DLGAP2: variants seen among roughly 807,000 people sequenced by gnomAD.
DLGAP2 encodes the protein disks large-associated protein 2.
DLGAP2 carries 26 observed loss-of-function variants against 100.3 expected under a neutral mutation model. The ratio of observed to expected loss-of-function variants is 0.26; its 90% CI spans 0.19 to 0.36. The LOEUF (loss-of-function observed/expected upper bound fraction) is 0.36, where lower values mean the gene tolerates loss of function less well. Among genes scored for constraint, DLGAP2 ranks in the 10% least tolerant of loss-of-function variants. DLGAP2 has a pLI of 1.00. For synonymous variants in DLGAP2, 886 were observed against 630.1 expected (o/e 1.41, Z -6.08); for missense variants, 1,858 against 1,453.2 (o/e 1.28, Z -4.53).
intron 2 of DLGAP2, among the ~76,000 whole-genome samples, chr8:1,218,465 T>C (rs1235627965): frequency 6.6e-6 from 1 of 150,934 alleles, no homozygotes; most frequent in African/African-American, 2.5e-5. Context: ...GGTTTTGTTG[T>C]TGTTGTTGTT....
intron 2 of DLGAP2, chr8:1,137,503 C>G (rs1249233277): frequency 1.3e-5 from 2 of 152,354 alleles, no homozygotes; most frequent in Non-Finnish European, 2.9e-5. Flanking sequence ...ACACCATTTT[C>G]TTACTCTATG....
At chr8:1,181,909 C>T (rs116393774) in intron 2 of DLGAP2, among the ~76,000 whole-genome samples, 2,062 of 152,236 alleles carry the variant, frequency 0.014, 44 homozygotes, top group African/African-American at 0.048. Flanking sequence ...ACGCATTTCT[C>T]CTGTTCCTTG....
intron 1 of DLGAP2, among the ~76,000 whole-genome samples, chr8:774,255 G>T (rs1821449011): frequency 6.6e-6 from 1 of 152,158 alleles, no homozygotes; most frequent in Non-Finnish European, 1.5e-5. Context: ...TTAGCCCTTT[G>T]TCAGACGAGT....
At chr8:1,311,204 A>G (rs935145032) in intron 3 of DLGAP2, among the ~76,000 whole-genome samples, 1 of 152,220 alleles carries the variant, frequency 6.6e-6, no homozygotes, top group Non-Finnish European at 1.5e-5. Context: ...TTATATAACA[A>G]TGAAAATGAC....
At chr8:1,337,341 A>G (rs374584537) in intron 3 of DLGAP2, among the ~76,000 whole-genome samples, 43 of 6,922 alleles carry the variant, frequency 6.2e-3, no homozygotes, top group African/African-American at 0.023. Flanking sequence ...TGATGGTAAT[A>G]GTGAGGATGA....
intron 2 of DLGAP2, among the ~76,000 whole-genome samples, chr8:917,193 G>C (rs1189021529): frequency 1.3e-5 from 2 of 151,502 alleles, no homozygotes; most frequent in African/African-American, 4.8e-5. Context: ...TTGGACATCA[G>C]TATTGTTCCC....
intron 1 of DLGAP2, among the ~76,000 whole-genome samples, chr8:854,739 G>C (rs558497711): frequency 1.1e-4 from 17 of 152,328 alleles, no homozygotes; most frequent in African/African-American, 3.1e-4. Flanking sequence ...AGTCTGCAAT[G>C]GCAGGTTGGA....
chr8:1,026,151 C>T (rs927308414), intron 2 of DLGAP2, among the ~76,000 whole-genome samples: 5 of 152,152 alleles, frequency 3.3e-5, no homozygotes, highest in African/African-American at 1.2e-4. Flanking sequence ...GGCGTTGGTG[C>T]CCATGGCTGT....
At chr8:1,168,996 AG>A (rs1797073243) in intron 2 of DLGAP2, among the ~76,000 whole-genome samples, 1 of 148,580 alleles carries the variant, frequency 6.7e-6, no homozygotes, top group Admixed American at 6.8e-5. Context: ...GTTTTCTTCT[AG>A]GTTTTTTATG....
chr8:776,711 G>A (rs1407212132), intron 1 of DLGAP2, among the ~76,000 whole-genome samples: 2 of 152,220 alleles, frequency 1.3e-5, no homozygotes, highest in African/African-American at 4.8e-5. Context: ...TGTGGTCTGA[G>A]AGATAGTTTC....
intron 3 of DLGAP2, among the ~76,000 whole-genome samples, chr8:1,476,747 C>A (rs2130228209): frequency 6.6e-6 from 1 of 150,742 alleles, no homozygotes; most frequent in African/African-American, 2.4e-5. Context: ...TTCTGCAGAC[C>A]CACCCTTGAT....
intron 3 of DLGAP2, among the ~76,000 whole-genome samples, chr8:1,287,504 T>TGGTG (rs1799959874): frequency 2.6e-5 from 1 of 38,878 alleles, no homozygotes; most frequent in Non-Finnish European, 4.4e-5. Context: ...GTGGTTCTGT[T>TGGTG]AGGAGGGGAA....
chr8:1,153,222 C>A (rs1321317344), intron 2 of DLGAP2, among the ~76,000 whole-genome samples: 8 of 152,040 alleles, frequency 5.3e-5, no homozygotes, highest in African/African-American at 1.9e-4. Context: ...CATGGTCTGG[C>A]CAGAGAATCA....
chr8:1,699,568 C>T lies in DLGAP2; in HGVS notation c.2950-1620C>T, dbSNP rs192582265. Among the ~76,000 whole-genome samples the T allele has an allele frequency of 3.9e-5, 6 of 151,934 alleles. No individual in the cohort carries two copies. In the East Asian group the frequency reaches 1.2e-3, roughly 29 times the overall value. Reference sequence around the variant, plus strand: ...GGCAGAGCTTGTAGTGAGCCAAGATCGTGCCACTGCACTGCAGCCTAGGCA... The same window carrying T: ...GGCAGAGCTTGTAGTGAGCCAAGATTGTGCCACTGCACTGCAGCCTAGGCA... On this transcript the variant is annotated intron_variant, in intron 14 of 14. Transcript: ENST00000637795.
chr8:1,388,166 G>GCGCTGGTT lies in DLGAP2; in HGVS notation c.107-113199_107-113198insGCTGGTTC, dbSNP rs1257403872. Among the ~76,000 whole-genome samples, 11 of 99,244 alleles carry GCGCTGGTT rather than the reference G, an allele frequency of 1.1e-4. No homozygotes were observed. In the East Asian group the frequency reaches 3.9e-3, roughly 35 times the overall value. 65.1% of individuals were successfully genotyped at this position (99,244 alleles called of 152,430 possible). A position where few individuals can be genotyped will look rare whatever the true frequency, so the allele number is the denominator to read the frequency against. On this transcript the variant is annotated intron_variant, in intron 3 of 14. Coordinates refer to ENST00000637795, the MANE Select transcript of DLGAP2 (RefSeq NM_001346810.2). The stretch of plus-strand genomic sequence containing the variant: ...AGAGGCAGAGGCAGTGGGTGGGGAG[G>GCGCTGGTT]CACTGGTTCAGGTGTCAGGGCTGTG...
intron 5 of DLGAP2, among the ~76,000 whole-genome samples, chr8:1,553,932 C>T (rs1801868914): frequency 6.6e-6 from 1 of 152,204 alleles, no homozygotes; most frequent in African/African-American, 2.4e-5. Flanking sequence ...GAAAAATCAT[C>T]CATCTTTTAC....
At chr8:1,512,125 G>A (rs1263032617) in intron 4 of DLGAP2, among the ~76,000 whole-genome samples, 5 of 152,210 alleles carry the variant, frequency 3.3e-5, no homozygotes, top group African/African-American at 2.4e-5. Flanking sequence ...AACGCGTCTG[G>A]TCCACAGTTC....
At chr8:1,241,144 A>C (rs1324608449) in intron 2 of DLGAP2, among the ~76,000 whole-genome samples, 2 of 109,304 alleles carry the variant, frequency 1.8e-5, no homozygotes, top group African/African-American at 3.7e-5. Flanking sequence ...TAGTTCTCTC[A>C]CGTGGTGCCA....
intron 9 of DLGAP2, 111 bp from the exon 10 acceptor site, chr8:1,669,632 C>A: frequency 1.3e-6 from 1 of 754,578 alleles, no homozygotes. Flanking sequence ...GAGAGCCGGG[C>A]CCGTGCGGCG....
Sources: gnomAD v4.1 joint callset for allele counts (sites outside exome capture counted in the v4.1 genomes callset) on GRCh38, gnomAD v4.1.1 for gene constraint, MANE v1.5 for transcripts, NCBI Gene and HGNC (gene_info 2026-07-23, HGNC 2026-07-21) for gene names.